Variants in PRSS55 observed in about 807,000 individuals in gnomAD.
PRSS55 encodes probable serine protease UNQ9391/PRO34284.
In PRSS55, 41 loss-of-function variants were observed where a neutral mutation model predicts 23.6. The observed-to-expected ratio is 1.74, with a 90% CI of 1.35 to 2.26. The LOEUF (loss-of-function observed/expected upper bound fraction) is 2.26, where lower values mean the gene tolerates loss of function less well. Among genes scored for constraint, PRSS55 ranks in the 30% most tolerant of loss-of-function variants. The probability of loss-of-function intolerance (pLI) is 0.00; values close to 1 mark genes in which losing one functional copy is unlikely to be tolerated. For synonymous variants in PRSS55, 262 were observed against 175.5 expected, an observed-to-expected ratio of 1.49 and a Z score of -3.90; for missense variants, 669 against 439.1, an observed-to-expected ratio of 1.52 and a Z score of -4.68.
At chr8:10,530,893 G>A (rs925576245) in intron 2 of PRSS55, among the ~76,000 whole-genome samples, 2 of 152,128 alleles carry the variant, frequency 1.3e-5, no homozygotes, top group Admixed American at 6.5e-5. Flanking sequence ...TTTCTAAAGT[G>A]CTGGTAGACC....
intron 4 of PRSS55, among the ~76,000 whole-genome samples, chr8:10,536,565 A>G (rs12549899): frequency 0.16 from 24,541 of 152,146 alleles, 2,492 homozygotes; most frequent in East Asian, 0.33. Flanking sequence ...ACATGCATGC[A>G]TATGTTCGTC....
chr8:10,553,294 G>A (rs1036161170), intron 4 of PRSS55, among the ~76,000 whole-genome samples: 2 of 152,212 alleles, frequency 1.3e-5, no homozygotes, highest in African/African-American at 2.4e-5. Context: ...CAGTCATGTG[G>A]AACTGTGAGT....
At chr8:10,547,627 A>T (rs1171365928) in intron 4 of PRSS55, 1 of 152,046 alleles carries the variant, frequency 6.6e-6, no homozygotes, top group East Asian at 1.9e-4. Flanking sequence ...CGAAATCCCA[A>T]GCTGGCACCT....
intron 3 of PRSS55, among the ~76,000 whole-genome samples, chr8:10,532,324 CAG>C (rs1380822595): frequency 1.3e-5 from 2 of 152,126 alleles, no homozygotes; most frequent in African/African-American, 2.4e-5. Context: ...AATCTTCAAT[CAG>C]GGGAAGAAAT....
chr8:10,547,901 A>ACAC (rs1812857423), intron 4 of PRSS55, among the ~76,000 whole-genome samples: 1 of 151,998 alleles, frequency 6.6e-6, no homozygotes, highest in African/African-American at 2.4e-5. Flanking sequence ...AGGGGAACAG[A>ACAC]CACCGTAAAC....
At chr8:10,537,613 T>G (rs1417820169) in intron 4 of PRSS55, among the ~76,000 whole-genome samples, 1 of 152,136 alleles carries the variant, frequency 6.6e-6, no homozygotes, top group Non-Finnish European at 1.5e-5. Flanking sequence ...ACGTTCTTAA[T>G]ACAAAGAAAT....
intron 4 of PRSS55, among the ~76,000 whole-genome samples, chr8:10,534,504 A>C (rs1812387434): frequency 1.3e-5 from 2 of 152,208 alleles, no homozygotes; most frequent in Admixed American, 1.3e-4. Flanking sequence ...GTAAGAGAGT[A>C]ATATAACAAA....
At chr8:10,542,936 C>T (rs1812701444), downstream of PRSS55, among the ~76,000 whole-genome samples, 1 of 150,778 alleles carries the variant, frequency 6.6e-6, no homozygotes, top group African/African-American at 2.4e-5. Flanking sequence ...AGAATCAAGG[C>T]TCAGGTGTCT....
At chr8:10,530,476 A>G (rs1209188596) in intron 2 of PRSS55, among the ~76,000 whole-genome samples, 1 of 152,208 alleles carries the variant, frequency 6.6e-6, no homozygotes, top group Non-Finnish European at 1.5e-5. Context: ...ACTCCATCTC[A>G]AAAAAAGAAA....
intron 1 of PRSS55, among the ~76,000 whole-genome samples, chr8:10,529,143 T>C (rs1812149538): frequency 6.6e-6 from 1 of 152,174 alleles, no homozygotes; most frequent in Non-Finnish European, 1.5e-5. Flanking sequence ...TTGGACCTCT[T>C]TGGGGGCTAT....
At chr8:10,528,841 G>C (rs868251684) in intron 1 of PRSS55, among the ~76,000 whole-genome samples, 1 of 152,336 alleles carries the variant, frequency 6.6e-6, no homozygotes. Flanking sequence ...AAAATTATTT[G>C]CCTTTCCACT....
intron 4 of PRSS55, among the ~76,000 whole-genome samples, chr8:10,533,641 C>G (rs115552691): frequency 0.021 from 3,143 of 152,268 alleles, 122 homozygotes; most frequent in African/African-American, 0.072. Context: ...TAAATTTCCT[C>G]TGGCTCAAAG....
At chr8:10,540,393 G>C (rs897079952), downstream of PRSS55, 3 of 152,356 alleles carry the variant, frequency 2.0e-5, no homozygotes, top group East Asian at 5.8e-4. Context: ...CAGCCTGGCT[G>C]AGTGTTCTCC....
chr8:10,530,436 C>T (rs975813033), intron 2 of PRSS55, among the ~76,000 whole-genome samples: 6 of 152,254 alleles, frequency 3.9e-5, no homozygotes, highest in African/African-American at 1.4e-4. Flanking sequence ...GATCGCACCA[C>T]TGGCACTCCC....
intron 2 of PRSS55, among the ~76,000 whole-genome samples, chr8:10,530,537 A>T (rs1341022728): frequency 6.6e-6 from 1 of 152,166 alleles, no homozygotes; most frequent in Admixed American, 6.5e-5. Context: ...CCCCTGAAGC[A>T]GGTAGAATGA....
chr8:10,552,738 G>A (rs544804757), intron 4 of PRSS55, among the ~76,000 whole-genome samples: 1 of 152,310 alleles, frequency 6.6e-6, no homozygotes, highest in Admixed American at 6.5e-5. Flanking sequence ...ACACCTGTTA[G>A]AATGGCTGTT....
chr8:10,530,998 C>G (rs1385893582), intron 2 of PRSS55, among the ~76,000 whole-genome samples: 11 of 152,156 alleles, frequency 7.2e-5, no homozygotes, highest in Admixed American at 3.9e-4. Flanking sequence ...GTGTAGAGTG[C>G]TCTAAACCCA....
At chr8:10,549,706 G>C (rs959755419) in intron 4 of PRSS55, among the ~76,000 whole-genome samples, 10 of 152,298 alleles carry the variant, frequency 6.6e-5, no homozygotes, top group African/African-American at 2.4e-4. Flanking sequence ...CCCCTTTTCA[G>C]CTGTGTCTCT....
chr8:10,532,918 CTG>C lies in PRSS55; in HGVS notation c.614_615del (p.Val205GlufsTer36). 1 of 1,614,176 alleles carries C rather than the reference CTG, an allele frequency of 6.2e-7. No homozygotes were observed. The highest frequency in any genetic ancestry group is 1.1e-5 in the South Asian group (1 of 91,076). The stretch of plus-strand genomic sequence containing the variant: ...CTCTCTGGGCCAGCTGACAAAAACT[CTG>C]TGAAAACGGATCTGATGAAAGCGCC... On this transcript the variant is annotated frameshift_variant, in exon 4 of 5. Transcript: ENST00000328655. LOFTEE classifies it high-confidence loss of function.
Sources: allele counts gnomAD v4.1 joint callset (sites outside exome capture counted in the v4.1 genomes callset), GRCh38; gene constraint gnomAD v4.1.1; transcripts MANE v1.5; gene names NCBI Gene and HGNC (gene_info 2026-07-23, HGNC 2026-07-21).